Variants in LRRC8D observed in about 807,000 individuals in gnomAD.
LRRC8D encodes the protein leucine rich repeat containing 8 VRAC subunit D.
LRRC8D carries 20 observed loss-of-function variants against 55.8 expected under a neutral mutation model. The ratio of observed to expected loss-of-function variants is 0.36; its 90% CI spans 0.25 to 0.52. LRRC8D has a LOEUF of 0.52. Among genes scored for constraint, LRRC8D ranks in the 20% least tolerant of loss-of-function variants. The pLI is 0.93. For synonymous variants in LRRC8D, 352 were observed against 377.0 expected (o/e 0.93, Z 0.77); for missense variants, 651 against 1,030.8 (o/e 0.63, Z 5.05).
intron 2 of LRRC8D, among the ~76,000 whole-genome samples, chr1:89,908,512 C>T (rs1380784945): frequency 6.6e-6 from 1 of 152,184 alleles, no homozygotes; most frequent in Non-Finnish European, 1.5e-5. Context: ...TCTGTTGCAT[C>T]TTCTGTTGTG....
At chr1:89,881,458 T>G (rs1044432467) in intron 2 of LRRC8D, among the ~76,000 whole-genome samples, 1 of 152,146 alleles carries the variant, frequency 6.6e-6, no homozygotes, top group Admixed American at 6.5e-5. Context: ...GGTCATAAGT[T>G]TAAAACAGTA....
chr1:89,878,092 A>T (rs750151314), intron 2 of LRRC8D, among the ~76,000 whole-genome samples: 1 of 152,240 alleles, frequency 6.6e-6, no homozygotes, highest in Non-Finnish European at 1.5e-5. Flanking sequence ...TTTAAAATCC[A>T]GTGGCTATTT....
At chr1:89,855,291 A>G (rs1661526353) in intron 2 of LRRC8D, among the ~76,000 whole-genome samples, 1 of 152,146 alleles carries the variant, frequency 6.6e-6, no homozygotes, top group Non-Finnish European at 1.5e-5. Context: ...CTTCCTCTGG[A>G]AGGTGTACTT....
At chr1:89,930,193 G>A (rs1434214812) in intron 2 of LRRC8D, among the ~76,000 whole-genome samples, 5 of 152,064 alleles carry the variant, frequency 3.3e-5, no homozygotes, top group African/African-American at 1.2e-4. Context: ...TCTGTATCAG[G>A]TTTCTATGTA....
chr1:89,902,208 G>T lies in LRRC8D; in HGVS notation c.-2-30859G>T, dbSNP rs534816832. 5.9e-5 allele frequency among the ~76,000 whole-genome samples: 9 copies of T among 152,402 alleles called. No homozygotes were observed. The South Asian group carries it at 1.9e-3, about 32-fold the overall frequency. On this transcript the variant is annotated intron_variant, in intron 2 of 2. Transcript: ENST00000337338. ...TTGAAGGCGTGCAGACCAGTCTCTG[G>T]AAGATGCTCCTGCAGCAGGGACCTT...
chr1:89,915,637 G>A (rs115490734), intron 2 of LRRC8D, among the ~76,000 whole-genome samples: 2,544 of 152,180 alleles, frequency 0.017, 28 homozygotes, highest in Non-Finnish European at 0.027. Context: ...GACTGTATTC[G>A]CCCTCTTCAG....
chr1:89,872,125 A>G (rs887488263), intron 2 of LRRC8D, among the ~76,000 whole-genome samples: 2 of 152,206 alleles, frequency 1.3e-5, no homozygotes, highest in African/African-American at 4.8e-5. Flanking sequence ...TGCAACGTAA[A>G]TGCAAGTTCT....
At chr1:89,842,662 G>C (rs948296050) in intron 1 of LRRC8D, among the ~76,000 whole-genome samples, 1 of 152,168 alleles carries the variant, frequency 6.6e-6, no homozygotes, top group Non-Finnish European at 1.5e-5. Context: ...TGTAAGGGCA[G>C]GCAGGTTACA....
chr1:89,887,607 G>A (rs1408318636), intron 2 of LRRC8D, among the ~76,000 whole-genome samples: 2 of 152,124 alleles, frequency 1.3e-5, no homozygotes, highest in Admixed American at 6.5e-5. Context: ...TCCCTGATGT[G>A]TACTCTTGAA....
intron 2 of LRRC8D, among the ~76,000 whole-genome samples, chr1:89,890,111 C>T (rs373141843): frequency 6.0e-4 from 91 of 152,302 alleles, no homozygotes; most frequent in African/African-American, 1.9e-3. Flanking sequence ...GCCATGAAAC[C>T]GGGAGGCGGA....
chr1:89,841,404 C>CA lies in LRRC8D; in HGVS notation c.-147-2234_-147-2233insA, dbSNP rs386367613. On this transcript the variant is annotated intron_variant, in intron 1 of 2. Coordinates refer to ENST00000337338, the MANE Select transcript of LRRC8D (RefSeq NM_001134479.2). ...TCAGTATTGTCAAGACCACCCCCCC[C>CA]CTTTTTTTTGTGAGTGCACAAGACT... Among the ~76,000 whole-genome samples, 17 of 151,556 alleles carry CA rather than the reference C, an allele frequency of 1.1e-4. 2 individuals carry two copies. In the South Asian group the frequency reaches 3.4e-3, roughly 30 times the overall value.
At chr1:89,885,706 C>T (rs566729446) in intron 2 of LRRC8D, among the ~76,000 whole-genome samples, 188 of 152,276 alleles carry the variant, frequency 1.2e-3, no homozygotes, top group African/African-American at 4.3e-3. Flanking sequence ...TCTTCCTTAA[C>T]GTTGTTTTCT....
At chr1:89,849,449 A>G (rs948094465) in intron 2 of LRRC8D, among the ~76,000 whole-genome samples, 1 of 151,534 alleles carries the variant, frequency 6.6e-6, no homozygotes, top group African/African-American at 2.4e-5. Context: ...AACTGCACAG[A>G]TAGTTGCCAA....
rs553981913 is a variant in LRRC8D, at chr1:89,911,177, GTT to G, written c.-2-21878_-2-21877del. Among the ~76,000 whole-genome samples, 6 of 142,986 alleles carry G rather than the reference GTT, an allele frequency of 4.2e-5. No individual in the cohort carries two copies. The highest frequency in any genetic ancestry group is 6.1e-5 in the Non-Finnish European group (4 of 65,152). 93.8% of individuals were successfully genotyped at this position (142,986 alleles called of 152,430 possible). ...ACTCATATGTCCATGCATTTTTGGGGTTTTTTTTTTTTTAGTTATATAGTTTG... is the reference window on the plus strand; with the variant it reads ...ACTCATATGTCCATGCATTTTTGGGGTTTTTTTTTTTAGTTATATAGTTTG... On this transcript the variant is annotated intron_variant, in intron 2 of 2. Transcript: ENST00000337338. The surrounding 1 kb of genome is among the most constrained non-coding windows in gnomAD (Gnocchi z 4.0).
Position 89,933,840 on chromosome 1 carries a change from G to C in LRRC8D, c.772G>C (p.Gly258Arg), listed in dbSNP as rs1663772410. ...CAGTACACCAATGATCAATAAAACTGGCTTTAAATTTTCAGCTGAGAAGCC... is the reference window on the plus strand; with the variant it reads ...CAGTACACCAATGATCAATAAAACTCGCTTTAAATTTTCAGCTGAGAAGCC... ...SASTPMINKT[G>R]FKFSAEKPVI... Residue 258 changes from glycine to arginine, a missense_variant, in exon 3 of 3, where the codon GGC becomes CGC. Around this residue, in one of 5 missense-constraint regions of LRRC8D, gnomAD observed 178 missense variants for 374.9 expected, o/e 0.47. Transcript: ENST00000337338. This position sits in a 1 kb window ranked among gnomAD's most constrained non-coding sequence, Gnocchi z 7.0. The C allele has an allele frequency of 6.2e-7, 1 of 1,613,994 alleles. No homozygotes were observed. Among genetic ancestry groups the C allele is most frequent in the African/African-American group, 1.3e-5 (1 of 74,988 alleles).
rs368148061 is a variant in LRRC8D, at chr1:89,932,811, C to A, written c.-2-256C>A. 3.9e-5 allele frequency among the ~76,000 whole-genome samples: 6 copies of A among 152,316 alleles called. No homozygotes were observed. The South Asian group carries it at 1.2e-3, about 32-fold the overall frequency. On this transcript the variant is annotated intron_variant, in intron 2 of 2. Coordinates refer to ENST00000337338, the MANE Select transcript of LRRC8D (RefSeq NM_001134479.2). ...CCCTCCTTCAAGGTCCACTAAGTAA[C>A]CACTATGGACTTGGTGCAGTCTGTC...
intron 2 of LRRC8D, among the ~76,000 whole-genome samples, chr1:89,892,092 G>T (rs1938032): frequency 6.6e-6 from 1 of 152,190 alleles, no homozygotes; most frequent in East Asian, 1.9e-4. Flanking sequence ...ACATTGTTCC[G>T]TTTCACATTC....
At chr1:89,829,355 A>G (rs997305142) in intron 1 of LRRC8D, among the ~76,000 whole-genome samples, 1 of 152,254 alleles carries the variant, frequency 6.6e-6, no homozygotes, top group Non-Finnish European at 1.5e-5. Flanking sequence ...AGTGAAAGAT[A>G]GACTTATTCC....
At chr1:89,903,792 T>A (rs1045979525) in intron 2 of LRRC8D, among the ~76,000 whole-genome samples, 1 of 152,230 alleles carries the variant, frequency 6.6e-6, no homozygotes, top group Admixed American at 6.5e-5. Context: ...GAATCTCTTA[T>A]TTTTATGAAC....
Sources: allele counts gnomAD v4.1 joint callset (sites outside exome capture counted in the v4.1 genomes callset), GRCh38; gene constraint gnomAD v4.1.1; regional missense constraint gnomAD v4.1.1; non-coding constraint Gnocchi (gnomAD v3.1); transcripts MANE v1.5; gene names NCBI Gene and HGNC (gene_info 2026-07-23, HGNC 2026-07-21).